Variants in SPAG16 observed in about 807,000 individuals in gnomAD.
The protein encoded by SPAG16 is sperm-associated antigen 16 protein.
SPAG16 carries 86 observed loss-of-function variants against 80.4 expected under a neutral mutation model. The ratio of observed to expected loss-of-function variants is 1.07; its 90% CI spans 0.90 to 1.28. The LOEUF is 1.28. Among genes scored for constraint, SPAG16 ranks in the 50% most tolerant of loss-of-function variants. SPAG16 has a pLI of 0.00. For missense variants in SPAG16, 870 were observed against 765.3 expected, an observed-to-expected ratio of 1.14 and a Z score of -1.61; for synonymous variants, 294 against 265.9, an observed-to-expected ratio of 1.11 and a Z score of -1.03.
At chr2:213,944,503 G>T (rs1199250912) in intron 12 of SPAG16, among the ~76,000 whole-genome samples, 1 of 152,154 alleles carries the variant, frequency 6.6e-6, no homozygotes, top group Non-Finnish European at 1.5e-5. Flanking sequence ...CACGTTCACA[G>T]GGAGAGAGGA....
intron 10 of SPAG16, among the ~76,000 whole-genome samples, chr2:213,658,514 G>A (rs1026283421): frequency 6.6e-6 from 1 of 152,090 alleles, no homozygotes; most frequent in African/African-American, 2.4e-5. Flanking sequence ...GTTATCATGG[G>A]GCAAGCACTG....
Position 213,950,691 on chromosome 2 carries a change from CTTT to C in SPAG16, c.1400+20550_1400+20552del, listed in dbSNP as rs1205225812. On this transcript the variant is annotated intron_variant, in intron 12 of 15. Transcript: ENST00000331683. The stretch of plus-strand genomic sequence containing the variant: ...CTCCCTCCTTCCTTCTCTCTCTTTT[CTTT>C]TTTCTTTCTTTTTTTTTTTTTTTTT... Among the ~76,000 whole-genome samples, 36 of 73,356 alleles carry C rather than the reference CTTT, an allele frequency of 4.9e-4. 1 individual carries two copies. Among genetic ancestry groups the C allele is most frequent in the South Asian group, 1.1e-3 (2 of 1,896 alleles). 48.1% of individuals were successfully genotyped at this position (73,356 alleles called of 152,430 possible).
chr2:213,438,685 C>T (rs902395034), intron 9 of SPAG16, among the ~76,000 whole-genome samples: 14 of 152,246 alleles, frequency 9.2e-5, no homozygotes, highest in African/African-American at 2.4e-4. Context: ...GTAAGTATGA[C>T]GAGATGGTAC....
chr2:214,221,051 C>A (rs925434275), intron 15 of SPAG16, among the ~76,000 whole-genome samples: 1 of 152,154 alleles, frequency 6.6e-6, no homozygotes, highest in African/African-American at 2.4e-5. Flanking sequence ...GAGTGTCACA[C>A]ACATTCAATA....
intron 12 of SPAG16, among the ~76,000 whole-genome samples, chr2:213,942,663 A>G (rs149046398): frequency 3.9e-4 from 59 of 152,320 alleles, no homozygotes; most frequent in African/African-American, 1.3e-3. Flanking sequence ...GAAATGGTCC[A>G]GCAGCAAGAA....
intron 11 of SPAG16, among the ~76,000 whole-genome samples, chr2:213,910,414 A>G (rs1038415162): frequency 6.6e-6 from 1 of 152,246 alleles, no homozygotes; most frequent in African/African-American, 2.4e-5. Flanking sequence ...AACTAGAGAT[A>G]ACAAGAGAAT....
intron 15 of SPAG16, among the ~76,000 whole-genome samples, chr2:214,386,940 A>G (rs1700794624): frequency 6.9e-6 from 1 of 144,100 alleles, no homozygotes; most frequent in African/African-American, 2.9e-5. Flanking sequence ...TAACTTTTCT[A>G]TCTCAGCTTC....
intron 10 of SPAG16, among the ~76,000 whole-genome samples, chr2:213,704,238 A>C (rs886468782): frequency 6.6e-6 from 1 of 152,222 alleles, no homozygotes; most frequent in Non-Finnish European, 1.5e-5. Flanking sequence ...AATTTTCTCA[A>C]GTGTAAAGTG....
chr2:213,375,235 C>T (rs764343463), intron 9 of SPAG16, 116 bp downstream of exon 9: 43 of 746,862 alleles, frequency 5.8e-5, no homozygotes, highest in Non-Finnish European at 7.8e-5. Flanking sequence ...TTATATATTC[C>T]GGGCTGCTTG....
At chr2:213,850,115 G>A (rs2074827516) in intron 10 of SPAG16, among the ~76,000 whole-genome samples, 1 of 152,088 alleles carries the variant, frequency 6.6e-6, no homozygotes, top group Admixed American at 6.6e-5. Flanking sequence ...CCTAAATAGT[G>A]GGTCGTGATT....
chr2:213,321,277 A>G lies in SPAG16; in HGVS notation c.536+3921A>G, dbSNP rs190647708. On this transcript the variant is annotated intron_variant, in intron 5 of 15. Coordinates refer to ENST00000331683, the MANE Select transcript of SPAG16 (RefSeq NM_024532.5). The stretch of plus-strand genomic sequence containing the variant: ...TAAAATTAATATTTATCTGGGGGAA[A>G]GTTGCCATGGAAAGAGTATTGATCT... 2.2e-4 allele frequency among the ~76,000 whole-genome samples: 34 copies of G among 152,226 alleles called. No homozygotes were observed. The East Asian group carries it at 6.0e-3, about 27-fold the overall frequency.
At chr2:213,401,204 A>G (rs1233892406) in intron 9 of SPAG16, among the ~76,000 whole-genome samples, 2 of 152,242 alleles carry the variant, frequency 1.3e-5, no homozygotes, top group East Asian at 1.9e-4. Context: ...AGCTTGATAT[A>G]TGCTTGCACA....
At chr2:214,187,687 C>G (rs528896958) in intron 15 of SPAG16, among the ~76,000 whole-genome samples, 5 of 149,442 alleles carry the variant, frequency 3.3e-5, no homozygotes, top group African/African-American at 1.2e-4. Context: ...TCTGCCATAA[C>G]AAACCTCAGG....
chr2:213,572,491 C>T (rs2059947819), intron 10 of SPAG16, among the ~76,000 whole-genome samples: 1 of 150,176 alleles, frequency 6.7e-6, no homozygotes, highest in Non-Finnish European at 1.5e-5. Flanking sequence ...GTTGGAGTAC[C>T]CTGCCGTGTG....
At chr2:213,939,330 G>A (rs184783890) in intron 12 of SPAG16, among the ~76,000 whole-genome samples, 99 of 152,352 alleles carry the variant, frequency 6.5e-4, no homozygotes, top group Non-Finnish European at 1.2e-3. Flanking sequence ...AGAAAAAAGT[G>A]TCACTGGTTA....
intron 6 of SPAG16, among the ~76,000 whole-genome samples, chr2:213,345,615 C>T (rs1279931410): frequency 7.4e-6 from 1 of 135,388 alleles, no homozygotes; most frequent in African/African-American, 2.8e-5. Context: ...CCAGTTTTCC[C>T]AGCACCACTT....
At chr2:214,011,759 A>G (rs1339988524) in intron 12 of SPAG16, among the ~76,000 whole-genome samples, 9 of 152,174 alleles carry the variant, frequency 5.9e-5, no homozygotes, top group Non-Finnish European at 1.3e-4. Context: ...CTTGCTCCAA[A>G]TACTTATTAC....
At chr2:214,155,794 T>C (rs2056187103) in intron 15 of SPAG16, among the ~76,000 whole-genome samples, 1 of 152,196 alleles carries the variant, frequency 6.6e-6, no homozygotes, top group Non-Finnish European at 1.5e-5. Flanking sequence ...TGTTGGCTCA[T>C]GTATTCACCT....
At chr2:213,681,605 G>C (rs2064386414) in intron 10 of SPAG16, among the ~76,000 whole-genome samples, 1 of 152,094 alleles carries the variant, frequency 6.6e-6, no homozygotes. Flanking sequence ...ATTATACTCA[G>C]TGGTAGCTAA....
Sources: gnomAD v4.1 joint callset for allele counts (sites outside exome capture counted in the v4.1 genomes callset) on GRCh38, gnomAD v4.1.1 for gene constraint, MANE v1.5 for transcripts, NCBI Gene and HGNC (gene_info 2026-07-23, HGNC 2026-07-21) for gene names.